Variants in BFSP1 observed in about 807,000 individuals in gnomAD.
BFSP1 encodes filensin.
BFSP1 carries 38 observed loss-of-function variants against 43.9 expected under a neutral mutation model. The observed-to-expected ratio is 0.87, with a 90% CI of 0.67 to 1.14. The LOEUF (loss-of-function observed/expected upper bound fraction) is 1.14. Ranked by LOEUF, BFSP1 falls within the 50% of genes most tolerant of loss-of-function variation. The probability of loss-of-function intolerance (pLI) is 0.00; values close to 1 mark genes in which losing one functional copy is unlikely to be tolerated. For missense variants in BFSP1, 850 were observed against 875.1 expected (o/e 0.97, Z 0.36); for synonymous variants, 352 against 354.8 (o/e 0.99, Z 0.09).
intron 6 of BFSP1, among the ~76,000 whole-genome samples, chr20:17,497,308 C>T (rs1234477972): frequency 6.6e-6 from 1 of 151,884 alleles, no homozygotes; most frequent in Non-Finnish European, 1.5e-5. Flanking sequence ...CTCCATGAGA[C>T]AGTGCCTTTT....
At chr20:17,565,202 T>C (rs147897657) in intron 1 of BFSP1, among the ~76,000 whole-genome samples, 120 of 152,310 alleles carry the variant, frequency 7.9e-4, no homozygotes, top group African/African-American at 2.8e-3. Flanking sequence ...TTGAATAAAC[T>C]GTCAGTGGAG....
intron 2 of BFSP1, among the ~76,000 whole-genome samples, chr20:17,522,642 C>A (rs1188785576): frequency 2.0e-5 from 3 of 152,238 alleles, no homozygotes; most frequent in African/African-American, 7.2e-5. Context: ...CAGGGTTCTG[C>A]ACCCACACTG....
At position 17,525,533 on chromosome 20, in the gene BFSP1, G is replaced by A. The variant is rs909923101; in HGVS notation, c.378-625C>T. Among the ~76,000 whole-genome samples, 1 of 152,200 alleles carries A rather than the reference G, an allele frequency of 6.6e-6. No individual in the cohort carries two copies. Among genetic ancestry groups the A allele is most frequent in the Non-Finnish European group, 1.5e-5 (1 of 68,034 alleles). ...GGCAAATGGGTGGGGCAGGCTGGAC[G>A]TGCCAGGGAGTCAGGGCCTCTGGGA... is the stretch of plus-strand genomic sequence containing the variant. On this transcript the variant is annotated intron_variant, in intron 1 of 7. Transcript: ENST00000377873. This position sits in a 1 kb window ranked among gnomAD's most constrained non-coding sequence, Gnocchi z 4.2.
At chr20:17,531,482 C>T, upstream of BFSP1, 4 of 1,101,962 alleles carry the variant, frequency 3.6e-6, no homozygotes, top group Non-Finnish European at 4.6e-6. Context: ...ACGCTGGGCC[C>T]GGGCGCGGGA....
intron 1 of BFSP1, among the ~76,000 whole-genome samples, chr20:17,568,606 C>A (rs891022266): frequency 6.6e-6 from 1 of 152,130 alleles, no homozygotes; most frequent in Non-Finnish European, 1.5e-5. Context: ...TAGCTTTGAA[C>A]AACTTTTCCA....
At chr20:17,518,904 T>G (rs187386719) in intron 2 of BFSP1, among the ~76,000 whole-genome samples, 205 of 152,230 alleles carry the variant, frequency 1.3e-3, no homozygotes, top group African/African-American at 4.2e-3. Flanking sequence ...GACCACACGA[T>G]GTGAAGGAAA....
rs34519380 is a variant in BFSP1 at position 17,547,734 on chromosome 20, CTTT to C, written c.2+10951_2+10953del. Among the ~76,000 whole-genome samples, 233 of 136,194 alleles carry C rather than the reference CTTT, an allele frequency of 1.7e-3. 2 individuals carry two copies. The highest frequency in any genetic ancestry group is 6.1e-3 in the African/African-American group (225 of 37,062). 89.3% of individuals were successfully genotyped at this position (136,194 alleles called of 152,430 possible). A position where few individuals can be genotyped will look rare whatever the true frequency, so the allele number is the denominator to read the frequency against. On this transcript the variant is annotated intron_variant, in intron 1 of 7. Transcript: ENST00000377868. ...AGACATGTTTTTTTTCTTTTTCTTT[CTTT>C]TTTTTTTTTTTTGAAACAAGGTCTC... is the stretch of plus-strand genomic sequence containing the variant.
chr20:17,566,606 G>C (rs1418947555), intron 1 of BFSP1, among the ~76,000 whole-genome samples: 1 of 152,160 alleles, frequency 6.6e-6, no homozygotes, highest in African/African-American at 2.4e-5. Flanking sequence ...GTTCATAGAT[G>C]AACCTTTTTG....
Position 17,525,986 on chromosome 20 carries a change from T to G in BFSP1, c.378-1078A>C, listed in dbSNP as rs2123521136. Among the ~76,000 whole-genome samples, 1 of 152,160 alleles carries G rather than the reference T, an allele frequency of 6.6e-6. No individual in the cohort carries two copies. The highest frequency in any genetic ancestry group is 1.9e-4 in the East Asian group (1 of 5,168). ...TGCAGCCAGAAACATGAATGCTGCC[T>G]TCCTGAAGGCCACACAGAACCTTCT... On this transcript the variant is annotated intron_variant, in intron 1 of 7. Transcript: ENST00000377873. The surrounding 1 kb of genome is among the most constrained non-coding windows in gnomAD (Gnocchi z 4.2).
Position 17,494,292 on chromosome 20 carries a change from C to G in BFSP1, c.1780G>C (p.Asp594His). The stretch of plus-strand genomic sequence containing the variant: ...CCAAGCACCTCAGCTCCATCCTGAT[C>G]AGCCGCAGGCTTTGGAGGCTCAGGT... ...SIPEPPKPAA[D>H]QDGAEVLGTR... The change falls in exon 8 of 8, where the codon GAT becomes CAT. Residue 594 changes from aspartate (D) to histidine (H), a missense_variant. Physicochemically the swap from Asp to His is moderately conservative, Grantham distance 81. Coordinates refer to ENST00000377873, the MANE Select transcript of BFSP1 (RefSeq NM_001195.5). 1 of 1,614,228 alleles carries G rather than the reference C, an allele frequency of 6.2e-7. No individual in the cohort carries two copies. The highest frequency in any genetic ancestry group is 1.1e-5 in the South Asian group (1 of 91,080).
intron 1 of BFSP1, chr20:17,569,066 C>G (rs973712139): frequency 6.6e-6 from 1 of 152,198 alleles, no homozygotes; most frequent in Non-Finnish European, 1.5e-5. Context: ...GCTGGCGCCA[C>G]CGTCCCGGGA....
In BFSP1 at chr20:17,519,534, G is replaced by C. The variant is rs558870571; in HGVS notation, c.439-4718C>G. On this transcript the variant is annotated intron_variant, in intron 2 of 7. Coordinates refer to ENST00000377873, the MANE Select transcript of BFSP1 (RefSeq NM_001195.5). ...AATGGAAGTTAGTGGAAGATAACAG[G>C]CCTGGAACCTACCATGGGCTTCTCT... Among the ~76,000 whole-genome samples the C allele has an allele frequency of 3.7e-4, 57 of 152,346 alleles. 1 individual carries two copies. Among genetic ancestry groups the C allele is most frequent in the Middle Eastern group, 6.8e-3 (2 of 294 alleles).
At chr20:17,522,749 C>CATT (rs2123512634) in intron 2 of BFSP1, among the ~76,000 whole-genome samples, 1 of 152,272 alleles carries the variant, frequency 6.6e-6, no homozygotes, top group South Asian at 2.1e-4. Flanking sequence ...AAGTCATATA[C>CATT]ATTATTACAT....
intron 7 of BFSP1, 53 bp from the exon 8 acceptor site, chr20:17,495,082 GA>G: frequency 6.7e-7 from 1 of 1,498,254 alleles, no homozygotes; most frequent in East Asian, 2.3e-5. Context: ...GAGAGAGAAA[GA>G]AAATACGCTG....
At chr20:17,503,192 T>TA (rs200016560) in intron 5 of BFSP1, among the ~76,000 whole-genome samples, 12 of 149,766 alleles carry the variant, frequency 8.0e-5, no homozygotes, top group East Asian at 1.9e-4. Context: ...CCCAGCCAAT[T>TA]AAAAAAAAAT....
chr20:17,526,124 T>C (rs1213282598), intron 1 of BFSP1, among the ~76,000 whole-genome samples: 2 of 112,384 alleles, frequency 1.8e-5, no homozygotes, highest in Non-Finnish European at 3.5e-5. Context: ...TCACTTTTTC[T>C]GTTTTTTTCT....
chr20:17,497,605 T>TAC (rs1568679815), intron 6 of BFSP1, among the ~76,000 whole-genome samples: 2 of 121,876 alleles, frequency 1.6e-5, no homozygotes, highest in Non-Finnish European at 3.4e-5. Flanking sequence ...TGTATATATA[T>TAC]ACGTATATAT....
At chr20:17,548,238 A>T (rs145833301) in intron 1 of BFSP1, among the ~76,000 whole-genome samples, 41 of 151,742 alleles carry the variant, frequency 2.7e-4, no homozygotes, top group African/African-American at 9.9e-4. Context: ...CTAGAATCTA[A>T]TAGCATGTGT....
intron 1 of BFSP1, among the ~76,000 whole-genome samples, chr20:17,529,064 A>AGTGTGTGTGTGT (rs11473581): frequency 0.023 from 3,325 of 147,180 alleles, 46 homozygotes; most frequent in South Asian, 0.053. Context: ...TGGTTAAATA[A>AGTGTGTGTGTGT]GTGTGTGTGT....
Sources: gnomAD v4.1 joint callset for allele counts (sites outside exome capture counted in the v4.1 genomes callset) on GRCh38, gnomAD v4.1.1 for gene constraint, Gnocchi (gnomAD v3.1) non-coding constraint, MANE v1.5 for transcripts, NCBI Gene and HGNC (gene_info 2026-07-23, HGNC 2026-07-21) for gene names.